SEC23A: variants seen among roughly 807,000 people sequenced by gnomAD.
SEC23A encodes the protein protein transport protein Sec23A.
Under a neutral mutation model 103.7 loss-of-function variants are expected in SEC23A, and 56 were observed. The ratio of observed to expected loss-of-function variants is 0.54; its 90% CI spans 0.44 to 0.67. The LOEUF is 0.67. SEC23A is among the 30% of genes least tolerant of loss of function. The pLI is 0.00. For synonymous variants in SEC23A, 281 were observed against 293.0 expected, an observed-to-expected ratio of 0.96 and a Z score of 0.42; for missense variants, 784 against 936.4, an observed-to-expected ratio of 0.84 and a Z score of 2.12.
chr14:39,095,599 T>C (rs1279161595), intron 2 of SEC23A, among the ~76,000 whole-genome samples: 1 of 152,106 alleles, frequency 6.6e-6, no homozygotes, highest in Non-Finnish European at 1.5e-5. Flanking sequence ...GCCCGGCCAA[T>C]TATGACTTAT....
chr14:39,048,700 A>AT lies in SEC23A; in HGVS notation c.1688dup (p.Asp563GlufsTer2). 6.3e-7 allele frequency: 1 copy of AT among 1,590,130 alleles called. No individual in the cohort carries two copies. The highest frequency in any genetic ancestry group is 8.6e-7 in the Non-Finnish European group (1 of 1,158,296). On this transcript the variant is annotated frameshift_variant, in exon 15 of 20. Transcript: ENST00000307712. LOFTEE classifies it high-confidence loss of function. ...CTGAAAATCTGAAGGAACTTGGGTC[A>AT]TCTTTATGATATTCTCCAAATTTCT...
intron 9 of SEC23A, among the ~76,000 whole-genome samples, chr14:39,069,409 C>A (rs138818924): frequency 6.6e-6 from 1 of 152,264 alleles, no homozygotes; most frequent in African/African-American, 2.4e-5. Flanking sequence ...TCACTCCATT[C>A]CAGCTACTTT....
intron 2 of SEC23A, 26 bp downstream of exon 2, chr14:39,095,861 ACATTGCCACAT>A: frequency 7.0e-7 from 1 of 1,419,642 alleles, no homozygotes; most frequent in Non-Finnish European, 1.0e-6. Flanking sequence ...TTTTAAAATC[ACATTGCCACAT>A]TAGTTTTTCT....
intron 19 of SEC23A, among the ~76,000 whole-genome samples, chr14:39,034,084 C>T (rs1412351289): frequency 6.6e-6 from 1 of 152,140 alleles, no homozygotes; most frequent in Non-Finnish European, 1.5e-5. Context: ...CACAAACATG[C>T]CATAACCTCT....
In SEC23A at chr14:39,091,591, C is replaced by A; in HGVS notation, c.489G>T (p.Leu163Phe). The change falls in exon 5 of 20, where the codon TTG becomes TTT. Residue 163 changes from leucine (L) to phenylalanine (F), a missense_variant. Transcript: ENST00000307712. The stretch of plus-strand genomic sequence containing the variant: ...TTCTCCCAAAAGTAATAAGTCCAAC[C>A]AAAGCTGTAGGTGGTAAAAGACTTA... ...MSLSLLPPTA[L>F]VGLITFGRMV... 1 of 1,613,886 alleles carries A rather than the reference C, an allele frequency of 6.2e-7. No individual in the cohort carries two copies. The highest frequency in any genetic ancestry group is 8.5e-7 in the Non-Finnish European group (1 of 1,179,922).
At position 39,067,237 on chromosome 14, in the gene SEC23A, C is replaced by G. The variant is rs773481482; in HGVS notation, c.1163G>C (p.Arg388Thr). ...TCCATGCATGTCTTTGGTAAAGACT[C>G]TTTGAAAAGTTTGTTTGAATAAGGA... ...NTSLFKQTFQRVFTKDMHGQF... is the reference protein window; with the variant it reads ...NTSLFKQTFQTVFTKDMHGQF... The change falls in exon 10 of 20, where the codon AGA becomes ACA. Residue 388 changes from arginine to threonine, a missense_variant. By Grantham distance (71) the Arg-to-Thr change is moderately conservative. Coordinates refer to ENST00000307712, the MANE Select transcript of SEC23A (RefSeq NM_006364.4). 9 of 1,613,540 alleles carry G rather than the reference C, an allele frequency of 5.6e-6. No individual in the cohort carries two copies. The highest frequency in any genetic ancestry group is 7.6e-6 in the Non-Finnish European group (9 of 1,179,708).
chr14:39,081,182 A>G (rs1214901827), intron 7 of SEC23A, among the ~76,000 whole-genome samples: 3 of 151,968 alleles, frequency 2.0e-5, no homozygotes, highest in South Asian at 2.1e-4. Context: ...ACTGCACTCC[A>G]GCCTGAGCAA....
chr14:39,036,320 CAAAAAAA>C (rs59018206), intron 19 of SEC23A, among the ~76,000 whole-genome samples: 55 of 69,898 alleles, frequency 7.9e-4, no homozygotes, highest in Non-Finnish European at 9.2e-4. Context: ...GACTCCGTCT[CAAAAAAA>C]AAAAAAAAAA....
At chr14:39,086,250 C>T (rs1421881919) in intron 6 of SEC23A, among the ~76,000 whole-genome samples, 1 of 152,170 alleles carries the variant, frequency 6.6e-6, no homozygotes, top group Non-Finnish European at 1.5e-5. Context: ...AGGATTTCAT[C>T]TCTCACTAGT....
At chr14:39,091,426 A>AT in intron 5 of SEC23A, 51 bp downstream of exon 5, 1 of 1,326,598 alleles carries the variant, frequency 7.5e-7, no homozygotes. Flanking sequence ...ATTTATAAAC[A>AT]TATATAGAGT....
At chr14:39,088,081 T>G (rs1230737678) in intron 5 of SEC23A, 1 of 152,186 alleles carries the variant, frequency 6.6e-6, no homozygotes, top group African/African-American at 2.4e-5. Context: ...TTTATTCCTT[T>G]CTATGAAGGA....
rs1175043065 is a variant in SEC23A, at chr14:39,092,510, C to T, written c.366+31G>A. On this transcript the variant is annotated intron_variant, in intron 4 of 19. Transcript: ENST00000307712. ...AATTCTTTCAGTATAAATTTTAAAA[C>T]TTTCTTAAATATTTGTTCTTAGGTT... 4 of 1,310,804 alleles carry T rather than the reference C, an allele frequency of 3.1e-6. No individual in the cohort carries two copies. The East Asian group carries it at 7.1e-5, about 23-fold the overall frequency. 81.2% of individuals were successfully genotyped at this position (1,310,804 alleles called of 1,614,324 possible).
At chr14:39,087,489 A>G (rs10149829) in intron 5 of SEC23A, 169,274 of 182,730 alleles carry the variant, frequency 0.93, 78,545 homozygotes, top group East Asian at 0.97. Flanking sequence ...ACAGTAGTAA[A>G]TGTTAGGACT....
chr14:39,038,541 T>C (rs1423961020), intron 19 of SEC23A, among the ~76,000 whole-genome samples: 1 of 152,160 alleles, frequency 6.6e-6, no homozygotes. Flanking sequence ...GATGGAGTCT[T>C]GCTATGTTGC....
At chr14:39,070,074 A>G (rs1886794755) in intron 9 of SEC23A, among the ~76,000 whole-genome samples, 1 of 152,228 alleles carries the variant, frequency 6.6e-6, no homozygotes, top group Non-Finnish European at 1.5e-5. Flanking sequence ...TTCCTCAGTC[A>G]TACTTGCCAC....
At chr14:39,063,294 G>T in intron 12 of SEC23A, 30 bp downstream of exon 12, 1 of 1,288,778 alleles carries the variant, frequency 7.8e-7, no homozygotes, top group Non-Finnish European at 1.1e-6. Flanking sequence ...TACGTTGTAC[G>T]TTTTGATATT....
chr14:39,101,188 C>G (rs1265272743), intron 1 of SEC23A, among the ~76,000 whole-genome samples: 1 of 152,002 alleles, frequency 6.6e-6, no homozygotes, highest in Non-Finnish European at 1.5e-5. Context: ...ACACAAAAGA[C>G]TATTACAAAG....
In SEC23A at chr14:39,039,073, G is replaced by T; in HGVS notation, c.2166C>A (p.Val722=). 6.2e-7 allele frequency: 1 copy of T among 1,613,722 alleles called. No homozygotes were observed. Among genetic ancestry groups the T allele is most frequent in the Non-Finnish European group, 8.5e-7 (1 of 1,179,782 alleles). The change falls in exon 19 of 20, where the codon GTC becomes GTA. Residue 722 remains valine, a synonymous_variant. Transcript: ENST00000307712. ...TATTATTATGAGTCTGTGAAGGGTT[G>T]ACTTTTGAAAGGAGGAAACGGGCCT... ...GSQARFLLSK[V]NPSQTHNNMY... is the part of the protein sequence containing the mutation.
intron 6 of SEC23A, among the ~76,000 whole-genome samples, chr14:39,086,365 G>A (rs188304019): frequency 2.6e-5 from 4 of 152,256 alleles, no homozygotes; most frequent in East Asian, 1.9e-4. Context: ...CTAGCAGGGC[G>A]CGGTGGCTCA....
Sources: gnomAD v4.1 joint callset for allele counts (sites outside exome capture counted in the v4.1 genomes callset) on GRCh38, gnomAD v4.1.1 for gene constraint, MANE v1.5 for transcripts, NCBI Gene and HGNC (gene_info 2026-07-23, HGNC 2026-07-21) for gene names.